Variants in CNIH3 observed in about 807,000 individuals in gnomAD.
CNIH3 encodes the protein cornichon family AMPA receptor auxiliary protein 3, also known as protein cornichon homolog 3.
In CNIH3, 14 loss-of-function variants were observed where a neutral mutation model predicts 24.1. That is an observed-to-expected ratio of 0.58 (90% CI 0.38 to 0.91). The LOEUF (loss-of-function observed/expected upper bound fraction) is 0.91, where lower values mean the gene tolerates loss of function less well. Ranked by LOEUF, CNIH3 falls within the 40% of genes least tolerant of loss-of-function variation. The probability of loss-of-function intolerance (pLI) is 0.00; values close to 1 mark genes in which losing one functional copy is unlikely to be tolerated. For missense variants in CNIH3, 178 were observed against 196.8 expected (o/e 0.90, Z 0.57); for synonymous variants, 68 against 73.8 (o/e 0.92, Z 0.40).
intron 1 of CNIH3, among the ~76,000 whole-genome samples, chr1:224,628,467 C>T (rs1312127639): frequency 6.6e-6 from 1 of 152,086 alleles, no homozygotes; most frequent in Non-Finnish European, 1.5e-5. Flanking sequence ...CCCTGGCCAC[C>T]ACCATTCTAC....
At chr1:224,660,243 C>T (rs1219329471) in intron 1 of CNIH3, among the ~76,000 whole-genome samples, 1 of 152,138 alleles carries the variant, frequency 6.6e-6, no homozygotes, top group Non-Finnish European at 1.5e-5. Context: ...AGGAGTCAGT[C>T]ACATCTTACA....
At chr1:224,455,793 T>A (rs976124405) in intron 1 of CNIH3, among the ~76,000 whole-genome samples, 3 of 152,228 alleles carry the variant, frequency 2.0e-5, no homozygotes, top group African/African-American at 7.2e-5. Context: ...AGTTACTATA[T>A]CAGTCATGGT....
chr1:224,593,841 T>C (rs1016145494), intron 3 of CNIH3, among the ~76,000 whole-genome samples: 1 of 152,232 alleles, frequency 6.6e-6, no homozygotes, highest in Admixed American at 6.5e-5. Context: ...CTTATCAAGA[T>C]AATAGATGGC....
At chr1:224,453,154 A>G (rs914598813) in intron 1 of CNIH3, among the ~76,000 whole-genome samples, 2 of 151,448 alleles carry the variant, frequency 1.3e-5, no homozygotes, top group Non-Finnish European at 2.9e-5. Context: ...TACACATATA[A>G]TATATATATT....
intron 1 of CNIH3, among the ~76,000 whole-genome samples, chr1:224,448,095 G>C (rs1022964087): frequency 1.3e-5 from 2 of 152,150 alleles, no homozygotes; most frequent in Non-Finnish European, 2.9e-5. Context: ...AACTCAGCCA[G>C]GCATGGTGGC....
At chr1:224,456,772 C>T (rs759300716) in intron 1 of CNIH3, among the ~76,000 whole-genome samples, 7 of 152,232 alleles carry the variant, frequency 4.6e-5, no homozygotes, top group Admixed American at 2.0e-4. Context: ...GACATTAGCT[C>T]ACTCTGCAGC....
At chr1:224,454,221 G>A (rs1675548942) in intron 1 of CNIH3, 2 of 831,780 alleles carry the variant, frequency 2.4e-6, no homozygotes, top group Non-Finnish European at 2.9e-6. Context: ...CCAATATTGT[G>A]AGTAGTATCA....
chr1:224,549,679 C>T (rs114796430), intron 3 of CNIH3, among the ~76,000 whole-genome samples: 2,570 of 151,986 alleles, frequency 0.017, 61 homozygotes, highest in African/African-American at 0.054. Flanking sequence ...TTCACTAATA[C>T]CACAGGGTGT....
At chr1:224,714,935 A>G (rs987496773) in intron 3 of CNIH3, among the ~76,000 whole-genome samples, 15 of 152,286 alleles carry the variant, frequency 9.8e-5, no homozygotes, top group Non-Finnish European at 1.2e-4. Flanking sequence ...ACTAATCCAG[A>G]TTTCACCTTA....
chr1:224,577,450 A>G (rs1231547842), intron 4 of CNIH3, among the ~76,000 whole-genome samples: 1 of 152,210 alleles, frequency 6.6e-6, no homozygotes, highest in Non-Finnish European at 1.5e-5. Context: ...GCCCAACACG[A>G]AAAAATGCTC....
intron 3 of CNIH3, among the ~76,000 whole-genome samples, chr1:224,722,182 T>G (rs1688757625): frequency 6.6e-6 from 1 of 152,202 alleles, no homozygotes; most frequent in African/African-American, 2.4e-5. Flanking sequence ...CTGCCTTGTG[T>G]GCTCTTCAGA....
upstream of CNIH3, among the ~76,000 whole-genome samples, chr1:224,514,556 C>T (rs1678300605): frequency 6.6e-6 from 1 of 152,160 alleles, no homozygotes; most frequent in South Asian, 2.1e-4. Context: ...ATAAGCTGGG[C>T]ATAATGGCTC....
intron 1 of CNIH3, chr1:224,661,497 C>A (rs779240940): frequency 2.5e-5 from 7 of 283,510 alleles, no homozygotes; most frequent in South Asian, 8.2e-5. Flanking sequence ...AGCTTCTGCT[C>A]CCTTGGGGAC....
At chr1:224,575,350 T>G in intron 4 of CNIH3, 1 of 1,049,342 alleles carries the variant, frequency 9.5e-7, no homozygotes, top group Non-Finnish European at 1.5e-6. Flanking sequence ...TGGTGAGCTG[T>G]GCCTCCCACA....
downstream of CNIH3, among the ~76,000 whole-genome samples, chr1:224,539,953 T>C (rs1375221359): frequency 2.0e-5 from 3 of 152,220 alleles, no homozygotes; most frequent in African/African-American, 7.2e-5. Context: ...TTTTATTCCT[T>C]TCTGTATTCG....
chr1:224,655,476 A>G (rs1347530303), intron 1 of CNIH3, among the ~76,000 whole-genome samples: 4 of 152,150 alleles, frequency 2.6e-5, no homozygotes, highest in Non-Finnish European at 2.9e-5. Context: ...TGGACATGCA[A>G]GCAGGAGGGA....
chr1:224,693,157 G>GA (rs1434996939), intron 3 of CNIH3, among the ~76,000 whole-genome samples: 9 of 152,218 alleles, frequency 5.9e-5, no homozygotes, highest in African/African-American at 1.9e-4. Context: ...TAGTCAGAGG[G>GA]AAAGAGGGAA....
intron 1 of CNIH3, among the ~76,000 whole-genome samples, chr1:224,474,744 G>A (rs1220469391): frequency 6.6e-6 from 1 of 152,038 alleles, no homozygotes. Flanking sequence ...AAGGGAAATC[G>A]GAGCCCGGGC....
intron 1 of CNIH3, among the ~76,000 whole-genome samples, chr1:224,456,825 G>C (rs116138026): frequency 6.6e-6 from 1 of 152,216 alleles, no homozygotes. Context: ...AGGCCTTGTC[G>C]TAACTGCTTC....
Sources: gnomAD v4.1 joint callset for allele counts (sites outside exome capture counted in the v4.1 genomes callset) on GRCh38, gnomAD v4.1.1 for gene constraint, MANE v1.5 for transcripts, NCBI Gene and HGNC (gene_info 2026-07-23, HGNC 2026-07-21) for gene names.